Variants in ZNF143 observed in about 807,000 individuals in gnomAD.
ZNF143 encodes the protein zinc finger protein 143.
Under a neutral mutation model 74.1 loss-of-function variants are expected in ZNF143, and 49 were observed. The observed-to-expected ratio is 0.66, with a 90% confidence interval of 0.53 to 0.84. The LOEUF is 0.84. ZNF143 is among the 40% of genes least tolerant of loss of function. The pLI is 0.00. For missense variants in ZNF143, 637 were observed against 793.4 expected, an observed-to-expected ratio of 0.80 and a Z score of 2.37; for synonymous variants, 304 against 282.8, an observed-to-expected ratio of 1.07 and a Z score of -0.75.
intron 6 of ZNF143, 38 bp from the exon 7 acceptor site, chr11:9,479,434 A>C: frequency 1.9e-6 from 3 of 1,561,968 alleles, no homozygotes; most frequent in Non-Finnish European, 2.6e-6. Context: ...CCATTATCAA[A>C]ATGTAAAACA....
chr11:9,498,031 T>C (rs1006212674), intron 10 of ZNF143, among the ~76,000 whole-genome samples: 3 of 152,024 alleles, frequency 2.0e-5, no homozygotes, highest in East Asian at 1.9e-4. Flanking sequence ...GGGGTTTCAC[T>C]GTGTTAGCCA....
intron 11 of ZNF143, 62 bp from the exon 12 acceptor site, chr11:9,508,557 A>C: frequency 6.7e-7 from 1 of 1,490,904 alleles, no homozygotes; most frequent in Non-Finnish European, 9.2e-7. Context: ...CTGGGGGGGA[A>C]GTATGGAATG....
At chr11:9,519,753 TG>T (rs1355401988) in intron 14 of ZNF143, among the ~76,000 whole-genome samples, 14 of 152,204 alleles carry the variant, frequency 9.2e-5, no homozygotes, top group Admixed American at 9.2e-4. Flanking sequence ...GTGGAATTGC[TG>T]GGTCATAGAA....
chr11:9,492,520 T>C (rs1380851701), intron 7 of ZNF143, among the ~76,000 whole-genome samples: 1 of 152,148 alleles, frequency 6.6e-6, no homozygotes, highest in East Asian at 1.9e-4. Flanking sequence ...GTGCTGAGAT[T>C]ACAGGTCTGA....
rs1370587374 is a variant in ZNF143 at position 9,528,484 on chromosome 11, GTTTATTA to G, written c.*874_*880del. The G allele has an allele frequency of 6.6e-6, 1 of 151,034 alleles. No homozygotes were observed. Among genetic ancestry groups the G allele is most frequent in the Non-Finnish European group, 1.5e-5 (1 of 67,876 alleles). The allele number at this position is 151,034 out of a possible 1,614,324, so 9.4% of individuals were successfully genotyped here. On this transcript the variant is annotated 3_prime_UTR_variant, in exon 16 of 16. Coordinates refer to ENST00000396602, the MANE Select transcript of ZNF143 (RefSeq NM_003442.6). Reference sequence around the variant, plus strand: ...TGTTTTAAAGCTTATTTACCCCAAAGTTTATTATTAATTTTGAATACAGCAATTTTTA... The same window carrying G: ...TGTTTTAAAGCTTATTTACCCCAAAGTTAATTTTGAATACAGCAATTTTTA...
chr11:9,499,345 T>C (rs924487598), intron 10 of ZNF143, among the ~76,000 whole-genome samples: 14 of 152,276 alleles, frequency 9.2e-5, no homozygotes, highest in African/African-American at 3.4e-4. Context: ...GGGAAGACTT[T>C]AGAGGTCATC....
At chr11:9,477,180 C>T (rs1369488923) in intron 5 of ZNF143, among the ~76,000 whole-genome samples, 96 of 128,594 alleles carry the variant, frequency 7.5e-4, no homozygotes, top group African/African-American at 2.6e-3. Context: ...CCTCCTCTCC[C>T]TTCCCTCCTT....
intron 1 of ZNF143, among the ~76,000 whole-genome samples, chr11:9,464,515 C>T (rs746792695): frequency 6.6e-5 from 10 of 151,698 alleles, no homozygotes; most frequent in Non-Finnish European, 1.5e-4. Context: ...GCAGGAGAAT[C>T]TCTTGAACCT....
chr11:9,516,858 C>CGT (rs764499667), intron 14 of ZNF143, among the ~76,000 whole-genome samples: 1 of 152,138 alleles, frequency 6.6e-6, no homozygotes, highest in Non-Finnish European at 1.5e-5. Flanking sequence ...AGTCATTAAG[C>CGT]ATATACAAAC....
intron 12 of ZNF143, among the ~76,000 whole-genome samples, chr11:9,509,856 C>G (rs752326028): frequency 6.6e-6 from 1 of 152,140 alleles, no homozygotes; most frequent in Admixed American, 6.6e-5. Context: ...AGATACTGGT[C>G]AAAGAGTACA....
chr11:9,461,016 C>T lies in ZNF143; in HGVS notation c.-68C>T, dbSNP rs913013317. On this transcript the variant is annotated 5_prime_UTR_variant, in exon 1 of 16. Coordinates refer to ENST00000396602, the MANE Select transcript of ZNF143 (RefSeq NM_003442.6). ...GTTGCGGGGCCTGGGGGCCGGACGG[C>T]TGTTTCCTGTCCTGGTGCATGGTGG... 5 of 985,892 alleles carry T rather than the reference C, an allele frequency of 5.1e-6. No homozygotes were observed. Among genetic ancestry groups the T allele is most frequent in the Non-Finnish European group, 6.0e-6 (5 of 830,110 alleles). 61.1% of individuals were successfully genotyped at this position (985,892 alleles called of 1,614,324 possible). A position where few individuals can be genotyped will look rare whatever the true frequency, so the allele number is the denominator to read the frequency against.
chr11:9,495,297 C>T (rs979286573), intron 8 of ZNF143, among the ~76,000 whole-genome samples: 5 of 152,042 alleles, frequency 3.3e-5, no homozygotes, highest in Non-Finnish European at 5.9e-5. Flanking sequence ...CAAAATTAGC[C>T]GGGCGCAGTG....
rs755032295 is a variant in ZNF143 at position 9,474,012 on chromosome 11, A to G, written c.277A>G (p.Ile93Val). ...TGCGGCCTATGTTCAACATGTACCC[A>G]TACCTAAAAGTAGTAAGTATTTAAG... ...GSAAYVQHVP[I>V]PKSTGDSLRL... The change falls in exon 4 of 16, where the codon ATA (isoleucine) becomes GTA (valine). Residue 93 changes from isoleucine (I) to valine (V), a missense_variant. Coordinates refer to ENST00000396602, the MANE Select transcript of ZNF143 (RefSeq NM_003442.6). 26 of 1,612,758 alleles carry G rather than the reference A, an allele frequency of 1.6e-5. No homozygotes were observed. The highest frequency in any genetic ancestry group is 2.0e-5 in the Non-Finnish European group (24 of 1,178,986).
intron 7 of ZNF143, among the ~76,000 whole-genome samples, chr11:9,493,194 C>T (rs768073472): frequency 9.9e-5 from 15 of 151,638 alleles, no homozygotes; most frequent in Non-Finnish European, 2.2e-4. Flanking sequence ...CTCAGCCTCC[C>T]GAGTAACTGA....
chr11:9,504,658 A>AT (rs1190202519), intron 11 of ZNF143, among the ~76,000 whole-genome samples: 1 of 111,006 alleles, frequency 9.0e-6, no homozygotes, highest in South Asian at 2.9e-4. Flanking sequence ...ATTAAAAGAC[A>AT]TTTTTTTCTT....
At chr11:9,494,907 CA>C in intron 8 of ZNF143, 142 bp downstream of exon 8, 1 of 873,378 alleles carries the variant, frequency 1.1e-6, no homozygotes, top group Admixed American at 3.0e-5. Flanking sequence ...CATACACAGA[CA>C]TGTAAAAACC....
At chr11:9,463,063 A>C (rs1481687401) in intron 1 of ZNF143, among the ~76,000 whole-genome samples, 1 of 152,238 alleles carries the variant, frequency 6.6e-6, no homozygotes, top group East Asian at 1.9e-4. Flanking sequence ...AAATGGAATC[A>C]CAAAGTATGT....
chr11:9,471,374 G>A lies in ZNF143; in HGVS notation c.66G>A (p.Glu22=). The change falls in exon 2 of 16, where the codon GAG becomes GAA. Residue 22 remains glutamate (E), a synonymous_variant. Coordinates refer to ENST00000396602, the MANE Select transcript of ZNF143 (RefSeq NM_003442.6). ...GMTEFPGGGM[E]AQHVTLCLTE... ...CAGAGTTTCCTGGAGGAGGGATGGA[G>A]GCGCAACATGTTACGCTGTGCTTGA... 4 of 1,612,756 alleles carry A rather than the reference G, an allele frequency of 2.5e-6. No individual in the cohort carries two copies. The highest frequency in any genetic ancestry group is 3.4e-6 in the Non-Finnish European group (4 of 1,179,546).
intron 7 of ZNF143, among the ~76,000 whole-genome samples, chr11:9,480,611 C>T (rs984487576): frequency 5.9e-5 from 9 of 151,924 alleles, no homozygotes; most frequent in Non-Finnish European, 1.2e-4. Flanking sequence ...TCTGGCCGGG[C>T]GTGGTGGCTC....
Sources: gnomAD v4.1 joint callset for allele counts (sites outside exome capture counted in the v4.1 genomes callset) on GRCh38, gnomAD v4.1.1 for gene constraint, MANE v1.5 for transcripts, NCBI Gene and HGNC (gene_info 2026-07-23, HGNC 2026-07-21) for gene names.